CAGE1: variants seen among roughly 807,000 people sequenced by gnomAD.
CAGE1 encodes the protein cancer antigen 1, also known as cancer-associated gene 1 protein.
A neutral mutation model predicts 94.9 loss-of-function variants in CAGE1; 66 were observed. The ratio of observed to expected loss-of-function variants is 0.70; its 90% CI spans 0.57 to 0.85. The LOEUF is 0.85. CAGE1 is among the 40% of genes least tolerant of loss of function. CAGE1 has a pLI of 0.00. For synonymous variants in CAGE1, 319 were observed against 321.0 expected, an observed-to-expected ratio of 0.99 and a Z score of 0.07; for missense variants, 865 against 950.4, an observed-to-expected ratio of 0.91 and a Z score of 1.18.
intron 11 of CAGE1, among the ~76,000 whole-genome samples, chr6:7,345,506 A>AT (rs1478348824): frequency 6.6e-6 from 1 of 152,200 alleles, no homozygotes; most frequent in Non-Finnish European, 1.5e-5. Context: ...ATATTTCAGC[A>AT]AGATCACTCT....
intron 11 of CAGE1, among the ~76,000 whole-genome samples, chr6:7,352,604 A>C (rs1272050480): frequency 1.3e-5 from 2 of 152,236 alleles, no homozygotes; most frequent in African/African-American, 4.8e-5. Flanking sequence ...CTAAGCAAAA[A>C]GAATAAATCT....
At position 7,375,137 on chromosome 6, in the gene CAGE1, G is replaced by A. The variant is rs992486141; in HGVS notation, c.688-1006C>T. Among the ~76,000 whole-genome samples, 7 of 152,076 alleles carry A rather than the reference G, an allele frequency of 4.6e-5. No individual in the cohort carries two copies. In the South Asian group the frequency reaches 1.0e-3, roughly 23 times the overall value. On this transcript the variant is annotated intron_variant, in intron 4 of 13. Coordinates refer to ENST00000502583, the MANE Select transcript of CAGE1 (RefSeq NM_001170692.2). ...TGACATTAAAAACCCAGGGCCGGGT[G>A]CAGTGGCTCATGCTTGTAATCCCAG...
intron 11 of CAGE1, among the ~76,000 whole-genome samples, chr6:7,349,787 C>G (rs1759696562): frequency 6.6e-6 from 1 of 152,100 alleles, no homozygotes; most frequent in Admixed American, 6.5e-5. Flanking sequence ...ACAAAATTAG[C>G]CAGGTGTGGT....
intron 4 of CAGE1, among the ~76,000 whole-genome samples, chr6:7,376,781 C>T (rs183976928): frequency 1.3e-5 from 2 of 152,130 alleles, no homozygotes; most frequent in East Asian, 1.9e-4. Context: ...GGTTTGCAGA[C>T]GTTCTTCCTT....
chr6:7,337,294 T>A (rs1042022706), intron 11 of CAGE1, among the ~76,000 whole-genome samples: 8 of 128,836 alleles, frequency 6.2e-5, no homozygotes, highest in African/African-American at 2.1e-4. Context: ...ACCACTGCCC[T>A]CCAGCCTGGG....
At chr6:7,356,159 T>A in intron 9 of CAGE1, 30 bp from the exon 10 acceptor site, 1 of 1,219,576 alleles carries the variant, frequency 8.2e-7, no homozygotes, top group Non-Finnish European at 1.2e-6. Context: ...AACATACTAA[T>A]CTGGAACCTG....
intron 11 of CAGE1, chr6:7,341,738 C>T: frequency 2.9e-6 from 2 of 692,052 alleles, no homozygotes; most frequent in Non-Finnish European, 5.5e-6. Flanking sequence ...AGGAAGGCCT[C>T]GCTTGGATCA....
At chr6:7,386,505 G>C (rs1761124793) in intron 2 of CAGE1, among the ~76,000 whole-genome samples, 1 of 152,196 alleles carries the variant, frequency 6.6e-6, no homozygotes, top group Admixed American at 6.5e-5. Flanking sequence ...CATTAGACTA[G>C]AAGTCAGGTT....
At chr6:7,367,278 A>ATTTTTTTTTTT (rs70978961) in intron 7 of CAGE1, among the ~76,000 whole-genome samples, 60 of 111,174 alleles carry the variant, frequency 5.4e-4, no homozygotes, top group African/African-American at 1.3e-3. Flanking sequence ...TATTTGGGGG[A>ATTTTTTTTTTT]TTTTTTTTTT....
intron 9 of CAGE1, among the ~76,000 whole-genome samples, chr6:7,359,226 T>C (rs531395520): frequency 6.6e-6 from 1 of 152,246 alleles, no homozygotes; most frequent in African/African-American, 2.4e-5. Flanking sequence ...TTGTATTTTT[T>C]AGTAGAGATG....
intron 11 of CAGE1, among the ~76,000 whole-genome samples, chr6:7,345,928 AAAAG>A (rs1384840195): frequency 1.3e-4 from 19 of 143,312 alleles, no homozygotes; most frequent in African/African-American, 4.2e-4. Flanking sequence ...CCATCTCAAA[AAAAG>A]AAAAATTACA....
intron 12 of CAGE1, among the ~76,000 whole-genome samples, chr6:7,333,270 T>C (rs971172076): frequency 6.6e-6 from 1 of 152,124 alleles, no homozygotes; most frequent in African/African-American, 2.4e-5. Context: ...GTGTTCTTAA[T>C]CAACCACACA....
intron 11 of CAGE1, among the ~76,000 whole-genome samples, chr6:7,352,069 A>G (rs1465326602): frequency 6.6e-6 from 1 of 152,202 alleles, no homozygotes; most frequent in Non-Finnish European, 1.5e-5. Context: ...GGGGCACCCA[A>G]ATTGGCAAAG....
chr6:7,368,862 A>C, intron 6 of CAGE1, 64 bp from the exon 7 acceptor site: 1 of 900,144 alleles, frequency 1.1e-6, no homozygotes, highest in South Asian at 1.7e-5. Context: ...TGAGGCCAAA[A>C]CTATGCATAT....
Position 7,375,388 on chromosome 6 carries a change from G to A in CAGE1, c.688-1257C>T, listed in dbSNP as rs186639390. On this transcript the variant is annotated intron_variant, in intron 4 of 13. Coordinates refer to ENST00000502583, the MANE Select transcript of CAGE1 (RefSeq NM_001170692.2). ...CACGCCACTGCACTCCAGCCTGGGC[G>A]ACAGAGCGAGACTCTGTCTCAAAAA... is the stretch of plus-strand genomic sequence containing the variant. Among the ~76,000 whole-genome samples the A allele has an allele frequency of 1.1e-4, 17 of 151,992 alleles. No homozygotes were observed. The East Asian group carries it at 1.7e-3, about 16-fold the overall frequency.
At chr6:7,382,495 G>C (rs1356668091) in intron 3 of CAGE1, among the ~76,000 whole-genome samples, 4 of 151,236 alleles carry the variant, frequency 2.6e-5, no homozygotes, top group Admixed American at 2.6e-4. Flanking sequence ...AGAGGCGGGG[G>C]TTTCACCATA....
intron 9 of CAGE1, among the ~76,000 whole-genome samples, chr6:7,357,987 T>A: frequency 7.2e-6 from 1 of 139,826 alleles, no homozygotes; most frequent in East Asian, 2.2e-4. Flanking sequence ...AGAGACGGGG[T>A]TTCACCATGT....
chr6:7,365,412 A>G lies in CAGE1; in HGVS notation c.2193+56T>C, dbSNP rs934315586. ...AGGATGATAACTTCTTAAACTTGCTAGTAAAATAATGTTGTGTATAAAAAT... is the reference window on the plus strand; with the variant it reads ...AGGATGATAACTTCTTAAACTTGCTGGTAAAATAATGTTGTGTATAAAAAT... On this transcript the variant is annotated intron_variant, in intron 9 of 13. Transcript: ENST00000502583. 3.6e-5 allele frequency: 50 copies of G among 1,385,484 alleles called. No individual in the cohort carries two copies. In the African/African-American group the frequency reaches 6.6e-4, roughly 18 times the overall value. The allele number at this position is 1,385,484 out of a possible 1,614,324, so 85.8% of individuals were successfully genotyped here.
chr6:7,388,117 G>T (rs1581705092), intron 1 of CAGE1, among the ~76,000 whole-genome samples: 2 of 150,704 alleles, frequency 1.3e-5, no homozygotes, highest in Admixed American at 1.3e-4. Context: ...ATATTCTCCT[G>T]ACTTCCTCAG....
Sources: allele counts gnomAD v4.1 joint callset (sites outside exome capture counted in the v4.1 genomes callset), GRCh38; gene constraint gnomAD v4.1.1; transcripts MANE v1.5; gene names NCBI Gene and HGNC (gene_info 2026-07-23, HGNC 2026-07-21).